The following SVIL variants were observed in gnomAD, a reference collection of about 807,000 sequenced individuals.
SVIL encodes the protein archvillin.
Under a neutral mutation model 240.4 loss-of-function variants are expected in SVIL, and 101 were observed. That is an observed-to-expected ratio of 0.42 (90% CI 0.36 to 0.50). SVIL has a LOEUF of 0.50. Ranked by LOEUF, SVIL falls within the 20% of genes least tolerant of loss-of-function variation. The pLI is 0.01. For missense variants in SVIL, 2,512 were observed against 2,818.7 expected (o/e 0.89, Z 2.46); for synonymous variants, 999 against 1,100.0 (o/e 0.91, Z 1.82).
chr10:29,460,146 C>T (rs1013893696), intron 36 of SVIL, among the ~76,000 whole-genome samples: 2 of 152,094 alleles, frequency 1.3e-5, no homozygotes, highest in African/African-American at 2.4e-5. Context: ...AGTACTGACT[C>T]CTCCACTCAC....
chr10:29,460,345 G>A (rs1451890284), intron 36 of SVIL, among the ~76,000 whole-genome samples: 1 of 152,104 alleles, frequency 6.6e-6, no homozygotes. Context: ...TAACTTGCTG[G>A]TGTGGGAAGC....
chr10:29,526,920 C>G (rs747372589), intron 13 of SVIL, 41 bp downstream of exon 13: 2 of 1,477,602 alleles, frequency 1.4e-6, no homozygotes, highest in African/African-American at 2.9e-5. Context: ...TGTTCGGCAC[C>G]TTTGCACCGG....
chr10:29,590,432 C>T (rs551682254), intron 1 of SVIL, among the ~76,000 whole-genome samples: 24 of 152,188 alleles, frequency 1.6e-4, no homozygotes, highest in African/African-American at 3.4e-4. Context: ...CATTTTCCCC[C>T]GACATTAAAA....
At chr10:29,691,316 A>G (rs373059314) in intron 1 of SVIL, among the ~76,000 whole-genome samples, 10 of 150,114 alleles carry the variant, frequency 6.7e-5, no homozygotes, top group African/African-American at 2.0e-4. Flanking sequence ...GGTTCACGCC[A>G]TTCTCCAGCC....
At chr10:29,692,236 T>G (rs1276055006) in intron 1 of SVIL, among the ~76,000 whole-genome samples, 1 of 152,140 alleles carries the variant, frequency 6.6e-6, no homozygotes, top group Non-Finnish European at 1.5e-5. Flanking sequence ...GGAAATGCAT[T>G]ACTAGACTCA....
intron 16 of SVIL, among the ~76,000 whole-genome samples, chr10:29,513,128 C>A (rs1297240195): frequency 6.6e-6 from 1 of 152,232 alleles, no homozygotes; most frequent in African/African-American, 2.4e-5. Flanking sequence ...ATCATTCCAG[C>A]CAAGGATGTC....
rs967768458 is a variant in SVIL, at chr10:29,470,988, A to G, written c.5635+150T>C. The G allele has an allele frequency of 1.2e-4, 85 of 729,402 alleles. No homozygotes were observed. The African/African-American group carries it at 1.4e-3, about 12-fold the overall frequency. The allele number at this position is 729,402 out of a possible 1,614,324, so 45.2% of individuals were successfully genotyped here. On this transcript the variant is annotated intron_variant, in intron 31 of 37. Coordinates refer to ENST00000355867, the MANE Select transcript of SVIL (RefSeq NM_021738.3). ...GGAGAGGCGGGTCATGAGCACCCATAGAGCTGAGTTATCAGGCAAACATCA... is the reference window on the plus strand; with the variant it reads ...GGAGAGGCGGGTCATGAGCACCCATGGAGCTGAGTTATCAGGCAAACATCA...
chr10:29,592,727 G>T (rs564696045), intron 1 of SVIL, among the ~76,000 whole-genome samples: 94 of 152,284 alleles, frequency 6.2e-4, no homozygotes, highest in African/African-American at 2.2e-3. Flanking sequence ...TTCTCTTGGG[G>T]TAAAAGAAGC....
Position 29,499,227 on chromosome 10 carries a change from C to T in SVIL, c.3553G>A (p.Glu1185Lys). 1 of 1,614,234 alleles carries T rather than the reference C, an allele frequency of 6.2e-7. No homozygotes were observed. Among genetic ancestry groups the T allele is most frequent in the African/African-American group, 1.3e-5 (1 of 75,056 alleles). ...TESRESQMTI[E>K]ERKQLITVRE... ...ACAGTGATGAGCTGCTTCCTCTCCT[C>T]AATCGTCATTTGGCTCTCTCGACTT... Residue 1185 changes from glutamate (E) to lysine (K), a missense_variant, in exon 18 of 38, where the codon GAG (glutamate) becomes AAG (lysine). Physicochemically the swap from Glu to Lys is moderately conservative, Grantham distance 56. Around this residue, in one of 3 missense-constraint regions of SVIL, gnomAD observed 272 missense variants for 406.8 expected, o/e 0.67. Transcript: ENST00000355867.
rs66523560 is a variant in SVIL, at chr10:29,529,175, CAAA to C, written c.2246+527_2246+529del. Among the ~76,000 whole-genome samples the C allele has an allele frequency of 1.4e-3, 94 of 66,042 alleles. 2 individuals carry two copies. The highest frequency in any genetic ancestry group is 4.0e-3 in the African/African-American group (71 of 17,570). The allele number at this position is 66,042 out of a possible 152,430, so 43.3% of individuals were successfully genotyped here. A position where few individuals can be genotyped will look rare whatever the true frequency, so the allele number is the denominator to read the frequency against. On this transcript the variant is annotated intron_variant, in intron 12 of 37. Transcript: ENST00000355867. ...TGGGTGACAGAGCAAGACTCTCTCT[CAAA>C]AAAAAAAAAAAAAAAAAAAAAAAAA... is the stretch of plus-strand genomic sequence containing the variant.
At chr10:29,608,567 G>A (rs960737153) in intron 1 of SVIL, among the ~76,000 whole-genome samples, 9 of 152,260 alleles carry the variant, frequency 5.9e-5, no homozygotes, top group African/African-American at 1.4e-4. Context: ...AGGCAGAGGT[G>A]CCTGTTCCCA....
intron 3 of SVIL, among the ~76,000 whole-genome samples, chr10:29,642,475 C>T: frequency 6.9e-6 from 1 of 145,274 alleles, no homozygotes; most frequent in Non-Finnish European, 1.5e-5. Context: ...AAGACCGACC[C>T]CTAATCATAC....
rs372389441 is a variant in SVIL at position 29,510,877 on chromosome 10, C to T, written c.3516+1858G>A. 3.9e-4 allele frequency among the ~76,000 whole-genome samples: 45 copies of T among 114,562 alleles called. 3 individuals are homozygous for T. In the East Asian group the frequency reaches 5.2e-3, roughly 13 times the overall value. The allele number at this position is 114,562 out of a possible 152,430, so 75.2% of individuals were successfully genotyped here. On this transcript the variant is annotated intron_variant, in intron 17 of 37. Coordinates refer to ENST00000355867, the MANE Select transcript of SVIL (RefSeq NM_021738.3). ...TGCCAGCCCTCGGGAAGGAACGAAC[C>T]GAGGGGTCGTCAGAGGCTGTCTGAG...
intron 28 of SVIL, 34 bp from the exon 29 acceptor site, chr10:29,480,847 C>G (rs752593070): frequency 1.3e-6 from 2 of 1,579,876 alleles, no homozygotes; most frequent in East Asian, 4.5e-5. Flanking sequence ...AGTTCAGTTG[C>G]CTGTTTCTGC....
chr10:29,469,771 CG>C (rs1189150890), intron 32 of SVIL, among the ~76,000 whole-genome samples: 1 of 152,194 alleles, frequency 6.6e-6, no homozygotes, highest in Non-Finnish European at 1.5e-5. Flanking sequence ...GTGCTGTACC[CG>C]GGAAGTGCCC....
chr10:29,579,497 C>A (rs1955847212), intron 1 of SVIL, among the ~76,000 whole-genome samples: 2 of 152,108 alleles, frequency 1.3e-5, no homozygotes, highest in South Asian at 4.2e-4. Context: ...GACAATGATT[C>A]CTGCAGTCCA....
At chr10:29,567,586 C>A (rs964036766) in intron 2 of SVIL, among the ~76,000 whole-genome samples, 21 of 152,216 alleles carry the variant, frequency 1.4e-4, no homozygotes, top group Admixed American at 1.1e-3. Context: ...CTCTTTGAGT[C>A]TCTGTCCACT....
At chr10:29,651,794 C>T (rs11007684) in intron 3 of SVIL, among the ~76,000 whole-genome samples, 24,461 of 152,030 alleles carry the variant, frequency 0.16, 2,054 homozygotes, top group Middle Eastern at 0.23. Context: ...AATATGTCCA[C>T]AATAGAACTC....
chr10:29,715,062 C>A (rs1453735226), intron 1 of SVIL, among the ~76,000 whole-genome samples: 2 of 150,874 alleles, frequency 1.3e-5, no homozygotes, highest in Non-Finnish European at 2.9e-5. Flanking sequence ...TTTGTGAAGG[C>A]AGTACAAAAA....
Sources: allele counts gnomAD v4.1 joint callset (sites outside exome capture counted in the v4.1 genomes callset), GRCh38; gene constraint gnomAD v4.1.1; regional missense constraint gnomAD v4.1.1; transcripts MANE v1.5; gene names NCBI Gene and HGNC (gene_info 2026-07-23, HGNC 2026-07-21).